Variants in LINC00305 observed in about 807,000 individuals in gnomAD.
LINC00305 encodes the protein long independently transcribed non-coding RNA 305.
At chr18:64,143,889 TAC>T (rs1284804783) in intron 1 of LINC00305, among the ~76,000 whole-genome samples, 4 of 151,948 alleles carry the variant, frequency 2.6e-5, no homozygotes, top group East Asian at 1.9e-4. Flanking sequence ...CATGTATATA[TAC>T]ACACACACAG....
At chr18:64,131,298 A>G (rs936319416) in intron 1 of LINC00305, among the ~76,000 whole-genome samples, 1 of 152,232 alleles carries the variant, frequency 6.6e-6, no homozygotes, top group East Asian at 1.9e-4. Context: ...ATTTTAGATT[A>G]TAATGGAAAC....
intron 3 of LINC00305, among the ~76,000 whole-genome samples, chr18:64,095,754 C>G (rs970501246): frequency 6.6e-6 from 1 of 152,016 alleles, no homozygotes; most frequent in African/African-American, 2.4e-5. Flanking sequence ...AGATAGAATA[C>G]ATTTGGAGTT....
intron 1 of LINC00305, among the ~76,000 whole-genome samples, chr18:64,137,248 G>A (rs187240240): frequency 1.3e-3 from 199 of 152,278 alleles, no homozygotes; most frequent in African/African-American, 4.6e-3. Flanking sequence ...AGCTGGAAGA[G>A]GCAAAGAAGG....
At chr18:64,114,946 A>C (rs1348561305) in intron 1 of LINC00305, among the ~76,000 whole-genome samples, 1 of 152,134 alleles carries the variant, frequency 6.6e-6, no homozygotes, top group Non-Finnish European at 1.5e-5. Flanking sequence ...AAAGCCTGAA[A>C]ACTTTCTGAG....
In LINC00305 at chr18:64,112,108, A is replaced by G. The variant is rs76393062; in HGVS notation, n.315-13468T>C. Reference sequence around the variant, plus strand: ...ATGCGTGTGACAGTCCTTCATTCTCAGTAAACACTGTGTGATACAATCAGC... The same window carrying G: ...ATGCGTGTGACAGTCCTTCATTCTCGGTAAACACTGTGTGATACAATCAGC... On this transcript the variant is annotated intron_variant and non_coding_transcript_variant, in intron 1 of 3. Transcript: ENST00000666468. Among the ~76,000 whole-genome samples, 1,030 of 152,260 alleles carry G rather than the reference A, an allele frequency of 6.8e-3. 12 individuals are homozygous for G. Among genetic ancestry groups the G allele is most frequent in the African/African-American group, 0.024 (991 of 41,538 alleles).
intron 3 of LINC00305, among the ~76,000 whole-genome samples, chr18:64,083,122 C>G (rs946400894): frequency 2.0e-5 from 3 of 152,026 alleles, no homozygotes; most frequent in Admixed American, 2.0e-4. Flanking sequence ...CTTTAATTTT[C>G]TTTTTGTATT....
intron 1 of LINC00305, among the ~76,000 whole-genome samples, chr18:64,117,669 A>G (rs2051343678): frequency 1.3e-5 from 2 of 152,196 alleles, no homozygotes; most frequent in Admixed American, 6.5e-5. Context: ...TGAGACACTT[A>G]AAACCTTTTA....
In LINC00305 at chr18:64,131,986, G is replaced by T. The variant is rs113305616; in HGVS notation, n.314+16789C>A. Among the ~76,000 whole-genome samples the T allele has an allele frequency of 8.1e-3, 1,235 of 152,252 alleles. 17 individuals are homozygous for T. The highest frequency in any genetic ancestry group is 0.028 in the African/African-American group (1,180 of 41,540). On this transcript the variant is annotated intron_variant and non_coding_transcript_variant, in intron 1 of 3. Transcript: ENST00000666468. ...TTGTAGCCTGCTTCTTTGTCCCCTG[G>T]ATTCAAGGGTGTTCTTTATTTTTCC...
intron 1 of LINC00305, among the ~76,000 whole-genome samples, chr18:64,145,997 C>T (rs2051496066): frequency 6.6e-6 from 1 of 151,356 alleles, no homozygotes; most frequent in Non-Finnish European, 1.5e-5. Context: ...ATTAGTCATT[C>T]CAAAAAGAAG....
chr18:64,139,107 C>G (rs921210236), intron 1 of LINC00305, among the ~76,000 whole-genome samples: 1 of 152,198 alleles, frequency 6.6e-6, no homozygotes, highest in African/African-American at 2.4e-5. Context: ...TCTGCGTGCA[C>G]TCCACCTCCA....
At chr18:64,132,401 G>A (rs924171011) in intron 1 of LINC00305, among the ~76,000 whole-genome samples, 1 of 152,110 alleles carries the variant, frequency 6.6e-6, no homozygotes, top group Non-Finnish European at 1.5e-5. Context: ...ATAAAAAGGG[G>A]TGCCTCATTA....
At chr18:64,135,378 A>G (rs2051428253) in intron 1 of LINC00305, among the ~76,000 whole-genome samples, 1 of 152,088 alleles carries the variant, frequency 6.6e-6, no homozygotes, top group African/African-American at 2.4e-5. Flanking sequence ...CTTTCTTTTC[A>G]GCTTGAACAT....
chr18:64,114,913 C>T (rs1279759292), intron 1 of LINC00305, among the ~76,000 whole-genome samples: 3 of 152,110 alleles, frequency 2.0e-5, no homozygotes, highest in Admixed American at 1.3e-4. Context: ...TGATCATAAA[C>T]GAAAATATAC....
At chr18:64,084,467 G>A (rs761210877) in intron 3 of LINC00305, among the ~76,000 whole-genome samples, 14 of 152,062 alleles carry the variant, frequency 9.2e-5, no homozygotes, top group South Asian at 4.2e-4. Context: ...CACATGTACC[G>A]CTGAACTTGA....
At chr18:64,100,364 G>A (rs2051263446) in intron 1 of LINC00305, among the ~76,000 whole-genome samples, 1 of 152,144 alleles carries the variant, frequency 6.6e-6, no homozygotes, top group Admixed American at 6.5e-5. Flanking sequence ...TTGAAAGTAT[G>A]AAGAAAGAAC....
intron 1 of LINC00305, among the ~76,000 whole-genome samples, chr18:64,120,183 A>T (rs558527682): frequency 6.6e-6 from 1 of 152,262 alleles, no homozygotes; most frequent in South Asian, 2.1e-4. Flanking sequence ...TCCCAGCCTG[A>T]TGTGGAGCAT....
intron 3 of LINC00305, among the ~76,000 whole-genome samples, chr18:64,093,370 C>T (rs1343999937): frequency 1.3e-5 from 2 of 152,130 alleles, no homozygotes; most frequent in African/African-American, 4.8e-5. Flanking sequence ...GAGTCTCGCT[C>T]TGTCACCAGG....
chr18:64,119,628 T>G (rs1475558506), intron 1 of LINC00305, among the ~76,000 whole-genome samples: 1 of 152,134 alleles, frequency 6.6e-6, no homozygotes, highest in Non-Finnish European at 1.5e-5. Context: ...TCACATTTTA[T>G]TTTGATTGAA....
At chr18:64,140,362 C>G (rs1236429259) in intron 1 of LINC00305, among the ~76,000 whole-genome samples, 1 of 152,126 alleles carries the variant, frequency 6.6e-6, no homozygotes, top group Admixed American at 6.6e-5. Flanking sequence ...GCACCTGCCA[C>G]CACACCTGGC....
Sources: gnomAD v4.1 joint callset for allele counts (sites outside exome capture counted in the v4.1 genomes callset) on GRCh38, gnomAD v4.1.1 for gene constraint, MANE v1.5 for transcripts, NCBI Gene and HGNC (gene_info 2026-07-23, HGNC 2026-07-21) for gene names.